SEMA6C: variants seen among roughly 807,000 people sequenced by gnomAD.
The protein encoded by SEMA6C is semaphorin 6C.
SEMA6C carries 37 observed loss-of-function variants against 72.9 expected under a neutral mutation model. The ratio of observed to expected loss-of-function variants is 0.51; its 90% CI spans 0.39 to 0.67. SEMA6C has a LOEUF of 0.67. SEMA6C is among the 30% of genes least tolerant of loss of function. The probability of loss-of-function intolerance (pLI) is 0.00; values close to 1 mark genes in which losing one functional copy is unlikely to be tolerated. For missense variants in SEMA6C, 1,189 were observed against 1,263.6 expected, an observed-to-expected ratio of 0.94 and a Z score of 0.89; for synonymous variants, 578 against 554.1, an observed-to-expected ratio of 1.04 and a Z score of -0.61.
At position 151,133,621 on chromosome 1, in the gene SEMA6C, C is replaced by T; in HGVS notation, c.1760-104G>A. The T allele has an allele frequency of 7.0e-7, 1 of 1,429,436 alleles. No individual in the cohort carries two copies. Among genetic ancestry groups the T allele is most frequent in the South Asian group, 1.5e-5 (1 of 66,972 alleles). 88.5% of individuals were successfully genotyped at this position (1,429,436 alleles called of 1,614,324 possible). On this transcript the variant is annotated intron_variant, in intron 18 of 18. Transcript: ENST00000368914. The surrounding 1 kb of genome is among the most constrained non-coding windows in gnomAD (Gnocchi z 5.9). ...TCCCAGGCCTGACATCATCGTCCCT[C>T]CCGCTGCTACTCAGCCTCACTCCTA...
At position 151,138,386 on chromosome 1, in the gene SEMA6C, C is replaced by T; in HGVS notation, c.477G>A (p.Glu159=). The change falls in exon 8 of 19, where the codon GAG becomes GAA. Residue 159 remains glutamate, a synonymous_variant. Coordinates refer to ENST00000368914, the MANE Select transcript of SEMA6C (RefSeq NM_030913.6). ...GAGCCTGCCCACTCAGTTCCTCACC[C>T]TCCTGCTGCAGCGAAGTTATCTGAG... is the stretch of plus-strand genomic sequence containing the variant. ...RSYGITSLQQ[E]GEELSGQARC... is the part of the protein sequence containing the mutation. 1.2e-6 allele frequency: 2 copies of T among 1,613,902 alleles called. No homozygotes were observed. The highest frequency in any genetic ancestry group is 1.7e-6 in the Non-Finnish European group (2 of 1,179,886).
chr1:151,132,887 G>T lies in SEMA6C; in HGVS notation c.2390C>A (p.Pro797Gln). Residue 797 changes from proline (P) to glutamine (Q), a missense_variant, in exon 19 of 19, where the codon CCG (proline) becomes CAG (glutamine). Transcript: ENST00000368914. ...GCCCAAGAGGGCGGGGGCGGGCTCC[G>T]GCGGGAGCGCCCGCGAGGTTAAAGG... ...PAPLTSRALP[P>Q]EPAPALLGGP... 1 of 1,312,430 alleles carries T rather than the reference G, an allele frequency of 7.6e-7. No homozygotes were observed. Among genetic ancestry groups the T allele is most frequent in the Non-Finnish European group, 9.7e-7 (1 of 1,031,162 alleles). 81.3% of individuals were successfully genotyped at this position (1,312,430 alleles called of 1,614,324 possible).
At chr1:151,139,321 G>A in intron 6 of SEMA6C, 104 bp downstream of exon 6, 2 of 964,850 alleles carry the variant, frequency 2.1e-6, no homozygotes, top group South Asian at 1.3e-5. Flanking sequence ...GGCCTGGGAT[G>A]GAAAAAGTGT....
At position 151,140,075 on chromosome 1, in the gene SEMA6C, G is replaced by T. The variant is rs760459222; in HGVS notation, c.134C>A (p.Ser45Tyr). 6.2e-7 allele frequency: 1 copy of T among 1,613,932 alleles called. No homozygotes were observed. The highest frequency in any genetic ancestry group is 2.2e-5 in the East Asian group (1 of 44,884). Reference protein sequence around the residue: ...ISDLQGTSPLSWFRGLEDDAV... With the variant: ...ISDLQGTSPLYWFRGLEDDAV... Reference sequence around the variant, plus strand: ...ATCATCCTCCAGGCCCCGAAACCAGGATAATGGGGAAGTACCTTGAGGACA... The same window carrying T: ...ATCATCCTCCAGGCCCCGAAACCAGTATAATGGGGAAGTACCTTGAGGACA... The change falls in exon 4 of 19, where the codon TCC becomes TAC. Residue 45 changes from serine to tyrosine, a missense_variant. Coordinates refer to ENST00000368914, the MANE Select transcript of SEMA6C (RefSeq NM_030913.6).
chr1:151,142,718 C>T, intron 2 of SEMA6C, 43 bp from the exon 3 acceptor site: 1 of 1,030,436 alleles, frequency 9.7e-7, no homozygotes, highest in Non-Finnish European at 1.4e-6. Flanking sequence ...AGCGAAGTTC[C>T]CTCTCCCCTG....
rs1681789019 is a variant in SEMA6C at position 151,133,821 on chromosome 1, T to C, written c.1760-304A>G. The C allele has an allele frequency of 1.1e-6, 1 of 898,152 alleles. No individual in the cohort carries two copies. Among genetic ancestry groups the C allele is most frequent in the Non-Finnish European group, 1.7e-6 (1 of 588,732 alleles). The allele number at this position is 898,152 out of a possible 1,614,324, so 55.6% of individuals were successfully genotyped here. On this transcript the variant is annotated intron_variant, in intron 18 of 18. Transcript: ENST00000368914. The surrounding 1 kb of genome is among the most constrained non-coding windows in gnomAD (Gnocchi z 5.9). The stretch of plus-strand genomic sequence containing the variant: ...CTGCTCGTGCAGGAGAACTCGGGGC[T>C]GGGATGCCCAATTCTGGGGAAGGGA...
rs746605756 is a variant in SEMA6C at position 151,140,060 on chromosome 1, A to T, written c.149T>A (p.Leu50Gln). The change falls in exon 4 of 19, where the codon CTG becomes CAG. Residue 50 changes from leucine to glutamine, a missense_variant. Physicochemically the swap from Leu to Gln is moderately radical, Grantham distance 113. Around this residue, in one of 2 missense-constraint regions of SEMA6C, gnomAD observed 468 missense variants for 577.4 expected, o/e 0.81. Transcript: ENST00000368914. ...GTSPLSWFRG[L>Q]EDDAVAAELG... ...TTCTGCAGCCACAGCATCATCCTCC[A>T]GGCCCCGAAACCAGGATAATGGGGA... is the stretch of plus-strand genomic sequence containing the variant. The T allele has an allele frequency of 5.0e-6, 8 of 1,614,156 alleles. No individual in the cohort carries two copies. The highest frequency in any genetic ancestry group is 6.8e-6 in the Non-Finnish European group (8 of 1,180,014).
Position 151,133,864 on chromosome 1 carries a change from A to T in SEMA6C, c.1760-347T>A. 1.8e-6 allele frequency: 2 copies of T among 1,096,098 alleles called. No homozygotes were observed. The highest frequency in any genetic ancestry group is 1.3e-6 in the Non-Finnish European group (1 of 753,070). The allele number at this position is 1,096,098 out of a possible 1,614,324, so 67.9% of individuals were successfully genotyped here. On this transcript the variant is annotated intron_variant, in intron 18 of 18. Coordinates refer to ENST00000368914, the MANE Select transcript of SEMA6C (RefSeq NM_030913.6). This position sits in a 1 kb window ranked among gnomAD's most constrained non-coding sequence, Gnocchi z 5.9. Reference sequence around the variant, plus strand: ...GGAAGGGAGGCTCCAAACAGGCGTTAGTGAGCACCAAACACCATTCAGTGA... The same window carrying T: ...GGAAGGGAGGCTCCAAACAGGCGTTTGTGAGCACCAAACACCATTCAGTGA...
chr1:151,136,704 T>C, intron 11 of SEMA6C, 125 bp from the exon 12 acceptor site: 1 of 1,390,538 alleles, frequency 7.2e-7, no homozygotes, highest in Non-Finnish European at 9.9e-7. Flanking sequence ...GGGCAGCCAC[T>C]GGGTGCCACA....
At chr1:151,139,765 C>T (rs1682376204) in intron 4 of SEMA6C, 64 bp from the exon 5 acceptor site, 1 of 1,480,624 alleles carries the variant, frequency 6.8e-7, no homozygotes, top group African/African-American at 1.4e-5. Context: ...CCACAGTCAG[C>T]TGTTCAGGGA....
intron 2 of SEMA6C, among the ~76,000 whole-genome samples, chr1:151,144,099 A>G (rs1682767354): frequency 6.6e-6 from 1 of 152,106 alleles, no homozygotes. Context: ...GCAGCTAGCT[A>G]ACGACCCTCT....
rs113343699 is a variant in SEMA6C at position 151,134,719 on chromosome 1, G to GT, written c.1659-45dup. On this transcript the variant is annotated intron_variant, in intron 16 of 18. Transcript: ENST00000368914. ...GGCTATAGAATTCTGTACGTTGTCC[G>GT]TATCTCCCACTCTGGCCCTCAGCTT... 4.0e-3 allele frequency: 6,405 copies of GT among 1,612,420 alleles called. 216 individuals are homozygous for GT. In the African/African-American group the frequency reaches 0.075, roughly 19 times the overall value.
chr1:151,141,730 G>A (rs587656643), intron 3 of SEMA6C, among the ~76,000 whole-genome samples: 1 of 120,406 alleles, frequency 8.3e-6, no homozygotes, highest in Non-Finnish European at 1.7e-5. Flanking sequence ...TTTTTTAATC[G>A]GCTTTTTTTT....
In SEMA6C at chr1:151,133,130, C is replaced by T; in HGVS notation, c.2147G>A (p.Gly716Glu). The part of the protein sequence containing the change: ...ELPVKHLRAA[G>E]DPWEWNQNRN... ...GTTCTGGTTCCACTCCCAGGGGTCC[C>T]CGGCGGCGCGGAGGTGCTTGACCGG... Residue 716 changes from glycine (G) to glutamate (E), a missense_variant, in exon 19 of 19, where the codon GGG (glycine) becomes GAG (glutamate). Gly to Glu is a moderately conservative substitution (Grantham distance 98). This residue lies in a region of SEMA6C where 721 missense variants were observed against 686.2 expected (regional missense o/e 1.05). Coordinates refer to ENST00000368914, the MANE Select transcript of SEMA6C (RefSeq NM_030913.6). The surrounding 1 kb of genome is among the most constrained non-coding windows in gnomAD (Gnocchi z 5.9). The T allele has an allele frequency of 6.4e-7, 1 of 1,562,890 alleles. No homozygotes were observed. The highest frequency in any genetic ancestry group is 8.6e-7 in the Non-Finnish European group (1 of 1,166,444).
chr1:151,135,172 G>T lies in SEMA6C; in HGVS notation c.1571C>A (p.Ala524Asp). The change falls in exon 15 of 19, where the codon GCC becomes GAC. Residue 524 changes from alanine (A) to aspartate (D), a missense_variant. Ala to Asp is a moderately radical substitution (Grantham distance 126, BLOSUM62 -2). This residue lies in a region of SEMA6C where 721 missense variants were observed against 686.2 expected (regional missense o/e 1.05). Coordinates refer to ENST00000368914, the MANE Select transcript of SEMA6C (RefSeq NM_030913.6). Reference sequence around the variant, plus strand: ...CTCAGGCCCCTCTCACCTCTGACAGGCCCCATGCCGGGCACACCGGCTGAG... The same window carrying T: ...CTCAGGCCCCTCTCACCTCTGACAGTCCCCATGCCGGGCACACCGGCTGAG... Reference protein sequence around the residue: ...LPLSRCARHGACQRSCLASQD... With the variant: ...LPLSRCARHGDCQRSCLASQD... The T allele has an allele frequency of 6.2e-7, 1 of 1,613,848 alleles. No homozygotes were observed. Among genetic ancestry groups the T allele is most frequent in the Non-Finnish European group, 8.5e-7 (1 of 1,179,840 alleles).
intron 16 of SEMA6C, 33 bp from the exon 17 acceptor site, chr1:151,134,708 G>A: frequency 6.2e-7 from 1 of 1,613,374 alleles, no homozygotes; most frequent in Non-Finnish European, 8.5e-7. Flanking sequence ...ATAGAATTCT[G>A]TACGTTGTCC....
At position 151,145,628 on chromosome 1, in the gene SEMA6C, C is replaced by A; in HGVS notation, c.-105+805G>T. 1 of 160,640 alleles carries A rather than the reference C, an allele frequency of 6.2e-6. No homozygotes were observed. Among genetic ancestry groups the A allele is most frequent in the Non-Finnish European group, 1.4e-5 (1 of 73,384 alleles). 10.0% of individuals were successfully genotyped at this position (160,640 alleles called of 1,614,324 possible). A position where few individuals can be genotyped will look rare whatever the true frequency, so the allele number is the denominator to read the frequency against. ...AGCAGAGTCTGGGCCGGGACCGGGT[C>A]CCAGAGCCACGTTAGCGAGAGGAGG... On this transcript the variant is annotated intron_variant, in intron 1 of 18. Transcript: ENST00000368914. This position sits in a 1 kb window ranked among gnomAD's most constrained non-coding sequence, Gnocchi z 4.4.
At chr1:151,134,770 T>C in intron 16 of SEMA6C, 28 bp downstream of exon 16, 3 of 1,613,334 alleles carry the variant, frequency 1.9e-6, no homozygotes, top group Non-Finnish European at 2.5e-6. Flanking sequence ...AATTTTATGC[T>C]CAGGAAACCC....
chr1:151,137,045 A>C lies in SEMA6C; in HGVS notation c.786T>G (p.Cys262Trp). The C allele has an allele frequency of 6.2e-7, 1 of 1,613,820 alleles. No homozygotes were observed. Among genetic ancestry groups the C allele is most frequent in the Non-Finnish European group, 8.5e-7 (1 of 1,180,028 alleles). Residue 262 changes from cysteine to tryptophan, a missense_variant, in exon 11 of 19, where the codon TGT becomes TGG. Transcript: ENST00000368914. Reference sequence around the variant, plus strand: ...GAGGCGAGCCGCCCATGTCACGTTTACATACTCGGGCTACGCGGGAGAACT... The same window carrying C: ...GAGGCGAGCCGCCCATGTCACGTTTCCATACTCGGGCTACGCGGGAGAACT... The part of the protein sequence containing the change: ...RVQFSRVARV[C>W]KRDMGGSPRA...
Sources: allele counts gnomAD v4.1 joint callset (sites outside exome capture counted in the v4.1 genomes callset), GRCh38; gene constraint gnomAD v4.1.1; regional missense constraint gnomAD v4.1.1; non-coding constraint Gnocchi (gnomAD v3.1); transcripts MANE v1.5; gene names NCBI Gene and HGNC (gene_info 2026-07-23, HGNC 2026-07-21).